Variants in PRKAG2 observed in about 807,000 individuals in gnomAD.
PRKAG2 encodes the protein protein kinase AMP-activated non-catalytic subunit gamma 2, also known as 5'-AMP-activated protein kinase subunit gamma-2.
PRKAG2 carries 26 observed loss-of-function variants against 69.6 expected under a neutral mutation model. The observed-to-expected ratio is 0.37, with a 90% confidence interval of 0.27 to 0.52. The LOEUF (loss-of-function observed/expected upper bound fraction) is 0.52. Ranked by LOEUF, PRKAG2 falls within the 20% of genes least tolerant of loss-of-function variation. The probability of loss-of-function intolerance (pLI) is 0.90; values close to 1 mark genes in which losing one functional copy is unlikely to be tolerated. For missense variants in PRKAG2, 557 were observed against 740.0 expected (o/e 0.75, Z 2.87); for synonymous variants, 293 against 285.0 (o/e 1.03, Z -0.28).
chr7:151,558,354 C>T (rs1480967583), intron 15 of PRKAG2: 2 of 985,330 alleles, frequency 2.0e-6, no homozygotes, highest in Non-Finnish European at 2.4e-6. Flanking sequence ...CCTAACAGTG[C>T]AGGTCCCGGG....
intron 4 of PRKAG2, among the ~76,000 whole-genome samples, chr7:151,661,084 T>C (rs1237341765): frequency 6.6e-6 from 1 of 152,236 alleles, no homozygotes; most frequent in Non-Finnish European, 1.5e-5. Flanking sequence ...AAAAATCAAA[T>C]GCAAAGTAAG....
At chr7:151,557,784 C>T (rs1012556484) in intron 15 of PRKAG2, 2 of 575,792 alleles carry the variant, frequency 3.5e-6, no homozygotes, top group Admixed American at 6.4e-5. Flanking sequence ...GCAGGAGAAT[C>T]GCTTGAATCC....
intron 6 of PRKAG2, among the ~76,000 whole-genome samples, chr7:151,584,291 T>C (rs1811139958): frequency 1.3e-5 from 2 of 152,146 alleles, no homozygotes; most frequent in African/African-American, 4.8e-5. Flanking sequence ...ATGAAAAAGA[T>C]GGCTGGCTTA....
At chr7:151,689,123 A>T (rs1303910965) in intron 3 of PRKAG2, among the ~76,000 whole-genome samples, 1 of 152,182 alleles carries the variant, frequency 6.6e-6, no homozygotes, top group Non-Finnish European at 1.5e-5. Context: ...AGTCGTTTTT[A>T]AAATCTGTAA....
At chr7:151,841,920 G>A (rs1434693038) in intron 1 of PRKAG2, among the ~76,000 whole-genome samples, 1 of 150,014 alleles carries the variant, frequency 6.7e-6, no homozygotes, top group African/African-American at 2.5e-5. Flanking sequence ...GTGATGGTAG[G>A]TAGTCATGGT....
At chr7:151,870,238 A>G (rs1184451538) in intron 1 of PRKAG2, among the ~76,000 whole-genome samples, 4 of 152,060 alleles carry the variant, frequency 2.6e-5, no homozygotes, top group Non-Finnish European at 4.4e-5. Context: ...GAAATGGAAC[A>G]GTATTACACC....
chr7:151,817,315 C>T (rs1369862713), intron 1 of PRKAG2, among the ~76,000 whole-genome samples: 1 of 152,194 alleles, frequency 6.6e-6, no homozygotes, highest in African/African-American at 2.4e-5. Flanking sequence ...TGAAGCACAT[C>T]CCCTCGGACT....
intron 1 of PRKAG2, among the ~76,000 whole-genome samples, chr7:151,871,764 T>C (rs769361175): frequency 2.2e-4 from 34 of 152,208 alleles, no homozygotes; most frequent in Middle Eastern, 3.4e-3. Context: ...GTGGGGACAT[T>C]CAAAATCATC....
chr7:151,706,161 A>C (rs1482225412), intron 3 of PRKAG2, among the ~76,000 whole-genome samples: 1 of 152,228 alleles, frequency 6.6e-6, no homozygotes, highest in Non-Finnish European at 1.5e-5. Flanking sequence ...GGACATGCCC[A>C]AGGCCACACA....
rs892726353 is a variant in PRKAG2 at position 151,820,631 on chromosome 7, A to G, written c.115-34090T>C. The stretch of plus-strand genomic sequence containing the variant: ...GTGGCCTGGCCCCTCTGGCTACTGC[A>G]GGGCACACTCTACTCTGAACACCGC... On this transcript the variant is annotated intron_variant, in intron 1 of 15. Coordinates refer to ENST00000287878, the MANE Select transcript of PRKAG2 (RefSeq NM_016203.4). Among the ~76,000 whole-genome samples, 14 of 50,680 alleles carry G rather than the reference A, an allele frequency of 2.8e-4. 2 individuals are homozygous for G. Among genetic ancestry groups the G allele is most frequent in the African/African-American group, 6.6e-4 (11 of 16,712 alleles). 33.2% of individuals were successfully genotyped at this position (50,680 alleles called of 152,430 possible).
chr7:151,855,189 A>G lies in PRKAG2; in HGVS notation c.114+21318T>C, dbSNP rs111204722. On this transcript the variant is annotated intron_variant, in intron 1 of 15. Coordinates refer to ENST00000287878, the MANE Select transcript of PRKAG2 (RefSeq NM_016203.4). ...ACACACACCACCCTCCACACACACCACCCTCCACACACACCACCCTCCACA... is the reference window on the plus strand; with the variant it reads ...ACACACACCACCCTCCACACACACCGCCCTCCACACACACCACCCTCCACA... Among the ~76,000 whole-genome samples the G allele has an allele frequency of 1.0e-3, 28 of 26,820 alleles. 1 individual carries two copies. Among genetic ancestry groups the G allele is most frequent in the South Asian group, 2.8e-3 (2 of 706 alleles). 17.6% of individuals were successfully genotyped at this position (26,820 alleles called of 152,430 possible). A position where few individuals can be genotyped will look rare whatever the true frequency, so the allele number is the denominator to read the frequency against.
intron 5 of PRKAG2, among the ~76,000 whole-genome samples, chr7:151,620,996 G>C (rs1168542270): frequency 2.0e-5 from 3 of 152,126 alleles, no homozygotes; most frequent in African/African-American, 7.2e-5. Context: ...GGGATTACCG[G>C]CAAGAGCTAC....
intron 1 of PRKAG2, among the ~76,000 whole-genome samples, chr7:151,860,881 G>A (rs1012433614): frequency 5.3e-5 from 8 of 152,094 alleles, no homozygotes; most frequent in Admixed American, 6.5e-5. Context: ...TTGTGGTAGA[G>A]GGAGGTGCAG....
intron 1 of PRKAG2, among the ~76,000 whole-genome samples, chr7:151,822,171 G>T (rs2078800471): frequency 6.6e-6 from 1 of 152,218 alleles, no homozygotes; most frequent in Admixed American, 6.5e-5. Context: ...TCCAGAAACA[G>T]ACACCTGCAG....
rs559050479 is a variant in PRKAG2, at chr7:151,561,914, C to CA, written c.1585-1298dup. On this transcript the variant is annotated intron_variant, in intron 14 of 15. Transcript: ENST00000287878. ...TGCCACTGCACTCCAGCCTGGGCGA[C>CA]AGAGCGAGACTGTGTCTTAAAAAAA... 5.1e-3 allele frequency among the ~76,000 whole-genome samples: 661 copies of CA among 129,884 alleles called. 11 individuals carry two copies. The highest frequency in any genetic ancestry group is 0.019 in the African/African-American group (608 of 32,156). The allele number at this position is 129,884 out of a possible 152,430, so 85.2% of individuals were successfully genotyped here. A position where few individuals can be genotyped will look rare whatever the true frequency, so the allele number is the denominator to read the frequency against.
chr7:151,672,702 C>T (rs1368281760), intron 4 of PRKAG2, among the ~76,000 whole-genome samples: 8 of 152,106 alleles, frequency 5.3e-5, no homozygotes, highest in South Asian at 4.1e-4. Flanking sequence ...CTCCCTGCGT[C>T]GGAACTTCCT....
At chr7:151,737,937 C>T (rs111309352) in intron 3 of PRKAG2, among the ~76,000 whole-genome samples, 52,699 of 100,582 alleles carry the variant, frequency 0.52, 11,717 homozygotes, top group East Asian at 0.75. Context: ...ATCTGCCACT[C>T]CCACGGGGCC....
At chr7:151,609,628 C>T (rs1370679399) in intron 5 of PRKAG2, among the ~76,000 whole-genome samples, 2 of 152,164 alleles carry the variant, frequency 1.3e-5, no homozygotes, top group African/African-American at 2.4e-5. Flanking sequence ...TGGCAACACC[C>T]ACACAGTGAG....
intron 1 of PRKAG2, among the ~76,000 whole-genome samples, chr7:151,794,604 C>T (rs2077408790): frequency 6.6e-6 from 1 of 152,270 alleles, no homozygotes; most frequent in East Asian, 1.9e-4. Flanking sequence ...CAGCCAGGCC[C>T]CTCATGCGGC....
Sources: allele counts gnomAD v4.1 joint callset (sites outside exome capture counted in the v4.1 genomes callset), GRCh38; gene constraint gnomAD v4.1.1; transcripts MANE v1.5; gene names NCBI Gene and HGNC (gene_info 2026-07-23, HGNC 2026-07-21).